The following PTPRO variants were observed in gnomAD, a reference collection of about 807,000 sequenced individuals.
The protein encoded by PTPRO is receptor-type tyrosine-protein phosphatase O.
PTPRO carries 62 observed loss-of-function variants against 145.2 expected under a neutral mutation model. The ratio of observed to expected loss-of-function variants is 0.43; its 90% CI spans 0.35 to 0.53. The LOEUF is 0.53. PTPRO is among the 20% of genes least tolerant of loss of function. PTPRO has a pLI of 0.01. For missense variants in PTPRO, 1,345 were observed against 1,482.7 expected (o/e 0.91, Z 1.53); for synonymous variants, 565 against 514.7 (o/e 1.10, Z -1.32).
At chr12:15,544,068 T>C (rs1003903525) in intron 12 of PTPRO, among the ~76,000 whole-genome samples, 5 of 152,164 alleles carry the variant, frequency 3.3e-5, no homozygotes, top group African/African-American at 1.2e-4. Flanking sequence ...TGAAATGGCA[T>C]TTTAAGGTGA....
chr12:15,471,619 T>C (rs1278397754), intron 1 of PTPRO, among the ~76,000 whole-genome samples: 1 of 152,196 alleles, frequency 6.6e-6, no homozygotes, highest in African/African-American at 2.4e-5. Context: ...ATCATCTTTA[T>C]TATCATCATT....
At chr12:15,457,734 T>C (rs1017770731) in intron 1 of PTPRO, among the ~76,000 whole-genome samples, 5 of 152,206 alleles carry the variant, frequency 3.3e-5, no homozygotes, top group Admixed American at 1.3e-4. Flanking sequence ...TTCAATCACA[T>C]ACAAAAATCC....
At chr12:15,553,093 C>G (rs1314682671) in intron 15 of PTPRO, among the ~76,000 whole-genome samples, 1 of 152,056 alleles carries the variant, frequency 6.6e-6, no homozygotes, top group African/African-American at 2.4e-5. Context: ...AGTCACCATG[C>G]TCGGCCTCCT....
At chr12:15,516,524 A>AAAAGG (rs1412171582) in intron 8 of PTPRO, among the ~76,000 whole-genome samples, 2 of 146,624 alleles carry the variant, frequency 1.4e-5, no homozygotes, top group Non-Finnish European at 1.5e-5. Flanking sequence ...AAAGAAAAAG[A>AAAAGG]AAAGAAAAGA....
chr12:15,366,409 G>A lies in PTPRO; in HGVS notation c.75+43608G>A, dbSNP rs1938362467. On this transcript the variant is annotated intron_variant, in intron 1 of 26. Transcript: ENST00000281171. ...CTAAGTTAGGATTTTGATTCATAATGTTTAAACTTTGACACTTTTTAATAA... is the reference window on the plus strand; with the variant it reads ...CTAAGTTAGGATTTTGATTCATAATATTTAAACTTTGACACTTTTTAATAA... Among the ~76,000 whole-genome samples, 4 of 152,236 alleles carry A rather than the reference G, an allele frequency of 2.6e-5. No homozygotes were observed. In the South Asian group the frequency reaches 6.2e-4, roughly 24 times the overall value.
At chr12:15,430,903 C>A (rs1940417916) in intron 1 of PTPRO, among the ~76,000 whole-genome samples, 1 of 152,012 alleles carries the variant, frequency 6.6e-6, no homozygotes, top group Non-Finnish European at 1.5e-5. Flanking sequence ...CACTCTGAAG[C>A]TGAATTCAGA....
intron 1 of PTPRO, among the ~76,000 whole-genome samples, chr12:15,332,217 T>C (rs779544270): frequency 1.4e-4 from 22 of 152,178 alleles, no homozygotes; most frequent in Non-Finnish European, 2.9e-4. Context: ...ATAATGAATA[T>C]GCTCTAAGAA....
chr12:15,589,788 G>A (rs576966753), intron 25 of PTPRO, among the ~76,000 whole-genome samples, 198 bp downstream of exon 25: 1 of 152,260 alleles, frequency 6.6e-6, no homozygotes, highest in Non-Finnish European at 1.5e-5. Context: ...GACATATAGT[G>A]ATTATACTTT....
rs146893521 is a variant in PTPRO, at chr12:15,578,309, T to C, written c.2830-544T>C. Among the ~76,000 whole-genome samples the C allele has an allele frequency of 2.4e-3, 370 of 152,298 alleles. 4 individuals are homozygous for C. The highest frequency in any genetic ancestry group is 8.4e-3 in the African/African-American group (349 of 41,564). ...ACTCTATTCCTCCAAAAATCTGAAA[T>C]GCATTTTTATTTTCAAATATTTCAT... On this transcript the variant is annotated intron_variant, in intron 19 of 26. Coordinates refer to ENST00000281171, the MANE Select transcript of PTPRO (RefSeq NM_030667.3).
At position 15,546,649 on chromosome 12, in the gene PTPRO, G is replaced by A; in HGVS notation, c.2245G>A (p.Ala749Thr). 6.2e-7 allele frequency: 1 copy of A among 1,613,954 alleles called. No homozygotes were observed. Among genetic ancestry groups the A allele is most frequent in the Non-Finnish European group, 8.5e-7 (1 of 1,179,940 alleles). The part of the protein sequence containing the change: ...VTLLWVEEGV[A>T]DFFEVFCQQV... ...TTTGCTGTGGGTGGAAGAGGGAGTA[G>A]CTGATTTCTTTGAAGTTTTCTGTCA... is the stretch of plus-strand genomic sequence containing the variant. The change falls in exon 13 of 27, where the codon GCT becomes ACT. Residue 749 changes from alanine (A) to threonine (T), a missense_variant. By Grantham distance (58) the Ala-to-Thr change is moderately conservative. This residue lies in a region of PTPRO where 1,130 missense variants were observed against 1,214.7 expected (regional missense o/e 0.93). Coordinates refer to ENST00000281171, the MANE Select transcript of PTPRO (RefSeq NM_030667.3).
At chr12:15,402,677 TGACAA>T in intron 1 of PTPRO, among the ~76,000 whole-genome samples, 1 of 152,114 alleles carries the variant, frequency 6.6e-6, no homozygotes, top group Non-Finnish European at 1.5e-5. Context: ...ATAATCAGGG[TGACAA>T]ATGACAAATG....
intron 2 of PTPRO, among the ~76,000 whole-genome samples, chr12:15,496,142 G>GTTTTTTTTTTTTTTTTTTT (rs71042255): frequency 5.3e-5 from 4 of 75,366 alleles, no homozygotes; most frequent in African/African-American, 5.2e-5. Flanking sequence ...TTCTTTTTTT[G>GTTTTTTTTTTTTTTTTTTT]TTTTTTTTTT....
At chr12:15,448,348 A>AAAAAAAAAAAAAAG (rs1488945951) in intron 1 of PTPRO, among the ~76,000 whole-genome samples, 1 of 147,072 alleles carries the variant, frequency 6.8e-6, no homozygotes, top group East Asian at 2.0e-4. Context: ...GTAAAAAAAA[A>AAAAAAAAAAAAAAG]AAAAAAAAAA....
At chr12:15,469,765 T>C (rs963969376) in intron 1 of PTPRO, among the ~76,000 whole-genome samples, 1 of 43,066 alleles carries the variant, frequency 2.3e-5, no homozygotes, top group African/African-American at 5.5e-5. Flanking sequence ...GTTAGTGTCC[T>C]GACAAAAAAA....
intron 19 of PTPRO, among the ~76,000 whole-genome samples, chr12:15,570,346 T>C (rs1012284128): frequency 6.6e-6 from 1 of 152,268 alleles, no homozygotes; most frequent in South Asian, 2.1e-4. Context: ...TAAAGCCTTT[T>C]AAGTGCTCTT....
chr12:15,355,858 G>A (rs368616678), intron 1 of PTPRO, among the ~76,000 whole-genome samples: 33 of 152,318 alleles, frequency 2.2e-4, no homozygotes, highest in African/African-American at 7.5e-4. Flanking sequence ...GAGGTAGCTG[G>A]TATTTGCTAG....
In PTPRO at chr12:15,573,098, T is replaced by C. The variant is rs528144054; in HGVS notation, c.2829+3600T>C. Among the ~76,000 whole-genome samples, 5 of 152,248 alleles carry C rather than the reference T, an allele frequency of 3.3e-5. No individual in the cohort carries two copies. In the South Asian group the frequency reaches 1.0e-3, roughly 32 times the overall value. On this transcript the variant is annotated intron_variant, in intron 19 of 26. Coordinates refer to ENST00000281171, the MANE Select transcript of PTPRO (RefSeq NM_030667.3). ...GGATGTTTATATAGAACAAATATGA[T>C]GTATATATAGAGAGATCTATTTTAA... is the stretch of plus-strand genomic sequence containing the variant.
In PTPRO at chr12:15,589,466, G is replaced by A; in HGVS notation, c.3422G>A (p.Gly1141Glu). 6.2e-7 allele frequency: 1 copy of A among 1,614,084 alleles called. No individual in the cohort carries two copies. The highest frequency in any genetic ancestry group is 8.5e-7 in the Non-Finnish European group (1 of 1,179,986). The change falls in exon 25 of 27, where the codon GGA becomes GAA. Residue 1141 changes from glycine to glutamate, a missense_variant. Coordinates refer to ENST00000281171, the MANE Select transcript of PTPRO (RefSeq NM_030667.3). ...ACATTCTTTTGCAGTGCTGGCGTGG[G>A]ACGGACAGGAACATTCATTGCCCTG... ...PMIIHCSAGV[G>E]RTGTFIALDR...
intron 1 of PTPRO, among the ~76,000 whole-genome samples, chr12:15,366,952 A>G (rs1372752729): frequency 1.3e-5 from 2 of 152,210 alleles, no homozygotes; most frequent in African/African-American, 4.8e-5. Context: ...AGGGAAAAAA[A>G]TGAAAGGTCA....
Sources: allele counts gnomAD v4.1 joint callset (sites outside exome capture counted in the v4.1 genomes callset), GRCh38; gene constraint gnomAD v4.1.1; regional missense constraint gnomAD v4.1.1; transcripts MANE v1.5; gene names NCBI Gene and HGNC (gene_info 2026-07-23, HGNC 2026-07-21).